RBM47: variants seen among roughly 807,000 people sequenced by gnomAD.
RBM47 encodes the protein RNA-binding protein 47.
A neutral mutation model predicts 47.1 loss-of-function variants in RBM47; 21 were observed. That is an observed-to-expected ratio of 0.45 (90% CI 0.32 to 0.64). RBM47 has a LOEUF of 0.64. Among genes scored for constraint, RBM47 ranks in the 30% least tolerant of loss-of-function variants. The probability of loss-of-function intolerance (pLI) is 0.05; values close to 1 mark genes in which losing one functional copy is unlikely to be tolerated. For missense variants in RBM47, 708 were observed against 870.9 expected (o/e 0.81, Z 2.35); for synonymous variants, 375 against 361.7 (o/e 1.04, Z -0.42).
In RBM47 at chr4:40,551,688, G is replaced by A. The variant is rs956105487; in HGVS notation, c.-239-7182C>T. Among the ~76,000 whole-genome samples, 13 of 138,594 alleles carry A rather than the reference G, an allele frequency of 9.4e-5. 1 individual carries two copies. Among genetic ancestry groups the A allele is most frequent in the Admixed American group, 8.6e-4 (11 of 12,766 alleles). The allele number at this position is 138,594 out of a possible 152,430, so 90.9% of individuals were successfully genotyped here. A position where few individuals can be genotyped will look rare whatever the true frequency, so the allele number is the denominator to read the frequency against. ...TTTTGAGACAGAGTCTCGCTCTCTT[G>A]CCCAGGTTGGAGTGCAGTGGTGGGA... On this transcript the variant is annotated intron_variant, in intron 1 of 6. Coordinates refer to ENST00000295971, the MANE Select transcript of RBM47 (RefSeq NM_001098634.2).
intron 3 of RBM47, among the ~76,000 whole-genome samples, chr4:40,462,886 A>G (rs1005946239): frequency 1.3e-5 from 2 of 152,202 alleles, no homozygotes; most frequent in African/African-American, 2.4e-5. Context: ...ATGATACTGG[A>G]TTTGGCAATG....
chr4:40,551,649 C>CTTT (rs59601849), intron 1 of RBM47, among the ~76,000 whole-genome samples: 4 of 134,654 alleles, frequency 3.0e-5, no homozygotes, highest in Admixed American at 7.6e-5. Flanking sequence ...GCGTACTTTT[C>CTTT]TTTTTTTTTT....
intron 6 of RBM47, among the ~76,000 whole-genome samples, chr4:40,428,809 T>A (rs1715452016): frequency 6.6e-6 from 1 of 152,164 alleles, no homozygotes; most frequent in Admixed American, 6.5e-5. Context: ...GGACAAAGCA[T>A]GCAGAGATCA....
At chr4:40,595,285 A>G (rs4861267) in intron 1 of RBM47, among the ~76,000 whole-genome samples, 50,151 of 151,798 alleles carry the variant, frequency 0.33, 9,368 homozygotes, top group African/African-American at 0.5. Context: ...ACTTGAGGTC[A>G]TGAGTTCGAG....
In RBM47 at chr4:40,538,607, A is replaced by G. The variant is rs145213664; in HGVS notation, c.-155+5815T>C. Among the ~76,000 whole-genome samples, 814 of 143,406 alleles carry G rather than the reference A, an allele frequency of 5.7e-3. 4 individuals carry two copies. Among genetic ancestry groups the G allele is most frequent in the African/African-American group, 0.021 (788 of 38,388 alleles). 94.1% of individuals were successfully genotyped at this position (143,406 alleles called of 152,430 possible). ...CCCAAAGTGCTGGGATTATAGGTGT[A>G]AGCCATGGCGCCCAGGCTTTTTTGT... is the stretch of plus-strand genomic sequence containing the variant. On this transcript the variant is annotated intron_variant, in intron 2 of 6. Transcript: ENST00000295971.
chr4:40,426,011 C>T lies in RBM47; in HGVS notation c.1675G>A (p.Ala559Thr), dbSNP rs747770299. Residue 559 changes from alanine to threonine, a missense_variant, in exon 7 of 7, where the codon GCG becomes ACG. Ala to Thr is a moderately conservative substitution (Grantham distance 58). Transcript: ENST00000295971. Reference sequence around the variant, plus strand: ...CCATACATGGCGGCCGCGGCTGCCGCGTTCTTCTGTAGTGTGGCGATCGTG... The same window carrying T: ...CCATACATGGCGGCCGCGGCTGCCGTGTTCTTCTGTAGTGTGGCGATCGTG... ...TATIATLQKN[A>T]AAAAAMYGGY... 2.8e-5 allele frequency: 45 copies of T among 1,614,084 alleles called. No homozygotes were observed. The highest frequency in any genetic ancestry group is 3.7e-5 in the Non-Finnish European group (44 of 1,180,046).
intron 1 of RBM47, among the ~76,000 whole-genome samples, chr4:40,591,932 C>T (rs1251014312): frequency 6.6e-6 from 1 of 152,058 alleles, no homozygotes; most frequent in Non-Finnish European, 1.5e-5. Context: ...GAAAATGGAA[C>T]CTCTCAAAGT....
intron 2 of RBM47, chr4:40,501,938 G>A (rs563817968): frequency 2.0e-5 from 3 of 152,980 alleles, no homozygotes; most frequent in African/African-American, 7.2e-5. Context: ...CTTCTCCAGA[G>A]GCAGAATTCC....
chr4:40,484,750 C>T (rs1720858290), intron 2 of RBM47, among the ~76,000 whole-genome samples: 1 of 152,178 alleles, frequency 6.6e-6, no homozygotes, highest in Admixed American at 6.5e-5. Flanking sequence ...TCCTTTGTAA[C>T]TCTCTTCTAG....
chr4:40,573,119 C>T (rs769049915), intron 1 of RBM47, among the ~76,000 whole-genome samples: 1 of 141,324 alleles, frequency 7.1e-6, no homozygotes, highest in Non-Finnish European at 1.5e-5. Flanking sequence ...CGCCATTATA[C>T]TCCAGACTAG....
At position 40,569,631 on chromosome 4, in the gene RBM47, T is replaced by A. The variant is rs577488495; in HGVS notation, c.-239-25125A>T. ...TTACCGTGTTAGCCAGGACGGTCTC[T>A]ATCTCCTGACCTGGTGATCCGCCCG... On this transcript the variant is annotated intron_variant, in intron 1 of 6. Coordinates refer to ENST00000295971, the MANE Select transcript of RBM47 (RefSeq NM_001098634.2). Among the ~76,000 whole-genome samples the A allele has an allele frequency of 1.3e-4, 19 of 151,878 alleles. No homozygotes were observed. In the East Asian group the frequency reaches 3.3e-3, roughly 26 times the overall value.
chr4:40,538,718 C>CA (rs1386776788), intron 2 of RBM47, among the ~76,000 whole-genome samples: 38 of 152,030 alleles, frequency 2.5e-4, no homozygotes, highest in African/African-American at 8.9e-4. Context: ...TTCACTGCAG[C>CA]CTCTGCCTCC....
At chr4:40,550,562 G>A (rs534560399) in intron 1 of RBM47, among the ~76,000 whole-genome samples, 81 of 152,240 alleles carry the variant, frequency 5.3e-4, no homozygotes, top group African/African-American at 1.9e-3. Flanking sequence ...GGGACTACAG[G>A]TGCCCAGCAC....
chr4:40,510,579 T>C (rs1460931734), intron 2 of RBM47, among the ~76,000 whole-genome samples: 1 of 152,144 alleles, frequency 6.6e-6, no homozygotes, highest in African/African-American at 2.4e-5. Flanking sequence ...GAAGGTCACC[T>C]TGAAGAGGTG....
intron 1 of RBM47, among the ~76,000 whole-genome samples, chr4:40,603,917 A>G (rs1315144373): frequency 6.6e-6 from 1 of 152,044 alleles, no homozygotes; most frequent in East Asian, 1.9e-4. Flanking sequence ...AGGCATTTCA[A>G]TCAGTGCTGA....
rs1348204190 is a variant in RBM47 at position 40,580,282 on chromosome 4, T to C, written c.-239-35776A>G. 7.2e-5 allele frequency among the ~76,000 whole-genome samples: 11 copies of C among 152,202 alleles called. No homozygotes were observed. In the East Asian group the frequency reaches 1.5e-3, roughly 21 times the overall value. On this transcript the variant is annotated intron_variant, in intron 1 of 6. Coordinates refer to ENST00000295971, the MANE Select transcript of RBM47 (RefSeq NM_001098634.2). ...CTGTGTGCTTGAATCCTTTCCACTG[T>C]CTCATCTCCCTCATCCAAGTTTCTA...
intron 2 of RBM47, among the ~76,000 whole-genome samples, chr4:40,473,106 A>T (rs1719148090): frequency 6.6e-6 from 1 of 152,204 alleles, no homozygotes; most frequent in South Asian, 2.1e-4. Context: ...AACCTAAGTA[A>T]CATAATAATA....
At chr4:40,599,785 C>G (rs1261404385) in intron 1 of RBM47, among the ~76,000 whole-genome samples, 1 of 150,590 alleles carries the variant, frequency 6.6e-6, no homozygotes, top group Non-Finnish European at 1.5e-5. Flanking sequence ...AAGTTGAATA[C>G]TACCAACTAA....
At chr4:40,607,330 A>C (rs1033450962) in intron 1 of RBM47, among the ~76,000 whole-genome samples, 19 of 152,206 alleles carry the variant, frequency 1.2e-4, no homozygotes, top group African/African-American at 4.6e-4. Context: ...AAAGTTGATT[A>C]CTGGTTGCCA....
Sources: allele counts gnomAD v4.1 joint callset (sites outside exome capture counted in the v4.1 genomes callset), GRCh38; gene constraint gnomAD v4.1.1; transcripts MANE v1.5; gene names NCBI Gene and HGNC (gene_info 2026-07-23, HGNC 2026-07-21).